Variants in SLC25A48 observed in about 807,000 individuals in gnomAD.
SLC25A48 encodes the protein CTC-321K16.1.
A neutral mutation model predicts 32.2 loss-of-function variants in SLC25A48; 29 were observed. That is an observed-to-expected ratio of 0.90 (90% CI 0.67 to 1.23). SLC25A48 has a LOEUF of 1.23. Ranked by LOEUF, SLC25A48 falls within the 50% of genes most tolerant of loss-of-function variation. SLC25A48 has a pLI of 0.00. For synonymous variants in SLC25A48, 164 were observed against 172.3 expected, an observed-to-expected ratio of 0.95 and a Z score of 0.38; for missense variants, 399 against 422.7, an observed-to-expected ratio of 0.94 and a Z score of 0.49.
At chr5:135,858,003 C>A (rs1454370451) in intron 4 of SLC25A48, among the ~76,000 whole-genome samples, 3 of 152,174 alleles carry the variant, frequency 2.0e-5, no homozygotes, top group African/African-American at 7.2e-5. Context: ...CCTGTCCTTC[C>A]ACCATGGGGA....
intron 3 of SLC25A48, among the ~76,000 whole-genome samples, chr5:135,646,678 T>TATATATATATATATATACACACAC (rs966073970): frequency 1.5e-5 from 2 of 136,754 alleles, no homozygotes; most frequent in African/African-American, 5.5e-5. Context: ...TATATATATA[T>TATATATATATATATATACACACAC]ACAATGGGAA....
At chr5:135,748,930 G>A (rs1307836227) in intron 3 of SLC25A48, among the ~76,000 whole-genome samples, 1 of 151,962 alleles carries the variant, frequency 6.6e-6, no homozygotes. Context: ...TGTTGGTTAG[G>A]CTGGTTTTGA....
chr5:135,746,478 T>G (rs141605110), intron 3 of SLC25A48: 9 of 234,346 alleles, frequency 3.8e-5, no homozygotes, highest in Middle Eastern at 4.7e-4. Context: ...GCTGCCTTTG[T>G]GGTCACCGGA....
intron 3 of SLC25A48, among the ~76,000 whole-genome samples, chr5:135,659,040 A>G (rs532654735): frequency 2.0e-5 from 3 of 152,340 alleles, no homozygotes; most frequent in Admixed American, 6.5e-5. Context: ...TTGGCTATTA[A>G]CATTCTGCTC....
intron 1 of SLC25A48, among the ~76,000 whole-genome samples, chr5:135,622,029 A>G (rs769566570): frequency 6.6e-6 from 1 of 152,262 alleles, no homozygotes; most frequent in Non-Finnish European, 1.5e-5. Flanking sequence ...GGCAAAGGAC[A>G]TAAATAACCA....
At chr5:135,885,793 C>T (rs573645042) in intron 7 of SLC25A48, among the ~76,000 whole-genome samples, 50 of 152,268 alleles carry the variant, frequency 3.3e-4, no homozygotes, top group African/African-American at 1.2e-3. Context: ...TTCTAAATGC[C>T]TATCAATAGA....
At chr5:135,878,089 G>A (rs1762184837) in intron 6 of SLC25A48, among the ~76,000 whole-genome samples, 1 of 152,164 alleles carries the variant, frequency 6.6e-6, no homozygotes, top group African/African-American at 2.4e-5. Flanking sequence ...GACTCGGTCT[G>A]GAGGTCATAT....
intron 7 of SLC25A48, among the ~76,000 whole-genome samples, chr5:135,886,641 T>TATATATAAATAAA (rs1762736237): frequency 5.6e-5 from 1 of 17,912 alleles, no homozygotes; most frequent in African/African-American, 4.9e-4. Context: ...ATATATAAAA[T>TATATATAAATAAA]ATATATATGT....
chr5:135,680,602 G>T (rs966721137), intron 3 of SLC25A48, among the ~76,000 whole-genome samples: 5 of 152,188 alleles, frequency 3.3e-5, no homozygotes, highest in African/African-American at 1.2e-4. Context: ...AAGAGCAAAG[G>T]CACATCTTAC....
At chr5:135,871,400 C>T (rs1326156588) in intron 4 of SLC25A48, 61 bp from the exon 5 acceptor site, 13 of 1,525,568 alleles carry the variant, frequency 8.5e-6, no homozygotes, top group Non-Finnish European at 1.1e-5. Flanking sequence ...TCCAGTGTCA[C>T]GGAATGTCCA....
At chr5:135,667,331 C>A (rs1210710187) in intron 3 of SLC25A48, among the ~76,000 whole-genome samples, 1 of 152,166 alleles carries the variant, frequency 6.6e-6, no homozygotes, top group Non-Finnish European at 1.5e-5. Flanking sequence ...GCGTGTCCTG[C>A]AAACTGGCAA....
intron 3 of SLC25A48, among the ~76,000 whole-genome samples, chr5:135,742,859 T>G (rs762347331): frequency 1.3e-5 from 2 of 150,172 alleles, no homozygotes; most frequent in Non-Finnish European, 3.0e-5. Flanking sequence ...AAGCTTTCAG[T>G]GATGTATTCC....
In SLC25A48 at chr5:135,879,950, C is replaced by T. The variant is rs1239153426; in HGVS notation, c.814-18C>T. 1.3e-6 allele frequency: 2 copies of T among 1,536,186 alleles called. No homozygotes were observed. The highest frequency in any genetic ancestry group is 2.4e-5 in the South Asian group (2 of 84,050). On this transcript the variant is annotated intron_variant, in intron 6 of 7. Transcript: ENST00000681962. ...AGTGTGGGTCAGTCCCCTGCAATAA[C>T]CTGGCCCCTGTGCAAAGGTGTTTTT...
At chr5:135,797,007 T>G (rs1260748635) in intron 3 of SLC25A48, among the ~76,000 whole-genome samples, 1 of 151,754 alleles carries the variant, frequency 6.6e-6, no homozygotes, top group African/African-American at 2.4e-5. Context: ...TTGTTTCTAA[T>G]ATCCAGGGGA....
intron 3 of SLC25A48, among the ~76,000 whole-genome samples, chr5:135,786,465 G>A (rs887627781): frequency 2.6e-5 from 4 of 152,006 alleles, no homozygotes; most frequent in Admixed American, 2.0e-4. Context: ...TTACATGGGT[G>A]CACATTGTGT....
chr5:135,702,864 C>A (rs1040283498), intron 3 of SLC25A48, among the ~76,000 whole-genome samples: 1 of 152,224 alleles, frequency 6.6e-6, no homozygotes, highest in African/African-American at 2.4e-5. Context: ...TTGAGAAAGG[C>A]TATTCAACAC....
intron 3 of SLC25A48, among the ~76,000 whole-genome samples, chr5:135,796,526 A>G (rs942326581): frequency 6.6e-6 from 1 of 150,862 alleles, no homozygotes. Flanking sequence ...AGAGGATGAT[A>G]TTACTCCCCA....
At chr5:135,871,815 A>G (rs1276086344) in intron 5 of SLC25A48, 97 bp downstream of exon 5, 1 of 1,569,434 alleles carries the variant, frequency 6.4e-7, no homozygotes, top group Non-Finnish European at 8.7e-7. Flanking sequence ...GGGGGAGGGC[A>G]GGACACATTT....
intron 3 of SLC25A48, among the ~76,000 whole-genome samples, chr5:135,748,254 A>T (rs1259904586): frequency 1.3e-5 from 2 of 152,198 alleles, no homozygotes; most frequent in African/African-American, 2.4e-5. Context: ...CTTGGCTCTT[A>T]ATCACTATAC....
Sources: gnomAD v4.1 joint callset for allele counts (sites outside exome capture counted in the v4.1 genomes callset) on GRCh38, gnomAD v4.1.1 for gene constraint, MANE v1.5 for transcripts, NCBI Gene and HGNC (gene_info 2026-07-23, HGNC 2026-07-21) for gene names.